Variants in SARDH observed in about 807,000 individuals in gnomAD.
SARDH encodes sarcosine dehydrogenase, mitochondrial.
A neutral mutation model predicts 109.1 loss-of-function variants in SARDH; 95 were observed. The ratio of observed to expected loss-of-function variants is 0.87; its 90% CI spans 0.74 to 1.03. The LOEUF (loss-of-function observed/expected upper bound fraction) is 1.03, where lower values mean the gene tolerates loss of function less well. Among genes scored for constraint, SARDH ranks in the 50% least tolerant of loss-of-function variants. SARDH has a pLI of 0.00. For synonymous variants in SARDH, 572 were observed against 534.8 expected, an observed-to-expected ratio of 1.07 and a Z score of -0.96; for missense variants, 1,267 against 1,287.8, an observed-to-expected ratio of 0.98 and a Z score of 0.25.
In SARDH at chr9:133,692,695, C is replaced by T. The variant is rs537573318; in HGVS notation, c.1921+1563G>A. Among the ~76,000 whole-genome samples the T allele has an allele frequency of 1.3e-5, 2 of 152,158 alleles. No homozygotes were observed. Among genetic ancestry groups the T allele is most frequent in the Non-Finnish European group, 2.9e-5 (2 of 68,028 alleles). ...CACTGTGGGGTCCCTGAAGCCCCACCGGCCTCCTTCACCTCCTCCCGACCC... is the reference window on the plus strand; with the variant it reads ...CACTGTGGGGTCCCTGAAGCCCCACTGGCCTCCTTCACCTCCTCCCGACCC... On this transcript the variant is annotated intron_variant, in intron 15 of 20. Coordinates refer to ENST00000439388, the MANE Select transcript of SARDH (RefSeq NM_001134707.2). The surrounding 1 kb of genome is among the most constrained non-coding windows in gnomAD (Gnocchi z 5.0).
chr9:133,691,391 C>T (rs760266326), intron 15 of SARDH, among the ~76,000 whole-genome samples: 9 of 152,286 alleles, frequency 5.9e-5, no homozygotes, highest in Middle Eastern at 6.8e-3. Context: ...GAAAACAAGA[C>T]GCCAGTCCTG....
chr9:133,671,504 C>T lies in SARDH; in HGVS notation c.2326+31G>A, dbSNP rs763788715. ...TCACTGCCCCCCACTGCGCCCGCCC[C>T]CGCCCCGTGCTGTCCAGACCCTGCA... On this transcript the variant is annotated intron_variant, in intron 18 of 20. Transcript: ENST00000439388. The T allele has an allele frequency of 2.6e-6, 4 of 1,555,306 alleles. No individual in the cohort carries two copies. The African/African-American group carries it at 5.4e-5, about 21-fold the overall frequency.
chr9:133,718,440 T>C lies in SARDH; in HGVS notation c.1020+498A>G, dbSNP rs118160162. On this transcript the variant is annotated intron_variant, in intron 7 of 20. Transcript: ENST00000439388. This position sits in a 1 kb window ranked among gnomAD's most constrained non-coding sequence, Gnocchi z 4.2. ...CCAGAGTCAGGGACTTTTATCTTAG[T>C]TTCCCTCTTTCTCCAGAAATTAAAG... 0.028 allele frequency: 13,772 copies of C among 497,838 alleles called. 272 individuals carry two copies. The highest frequency in any genetic ancestry group is 0.04 in the Non-Finnish European group (11,286 of 281,204). 30.8% of individuals were successfully genotyped at this position (497,838 alleles called of 1,614,324 possible). A position where few individuals can be genotyped will look rare whatever the true frequency, so the allele number is the denominator to read the frequency against.
Position 133,678,133 on chromosome 9 carries a change from G to T in SARDH, c.2164-6436C>A, listed in dbSNP as rs1317000844. ...GTCCCATTCCATTCAGGCCACTTAG[G>T]TGGCAAGTGTCGGTCAGTGGGCAGG... On this transcript the variant is annotated intron_variant, in intron 17 of 20. Transcript: ENST00000439388. 2.0e-5 allele frequency among the ~76,000 whole-genome samples: 3 copies of T among 152,216 alleles called. No homozygotes were observed. The East Asian group carries it at 5.8e-4, about 29-fold the overall frequency.
chr9:133,672,041 G>A (rs1462577839), intron 17 of SARDH, among the ~76,000 whole-genome samples: 5 of 152,160 alleles, frequency 3.3e-5, no homozygotes, highest in African/African-American at 9.7e-5. Context: ...ACTCTCTCTC[G>A]GTTCTGCAGG....
At chr9:133,687,238 C>G (rs1038735692) in intron 16 of SARDH, among the ~76,000 whole-genome samples, 1 of 152,190 alleles carries the variant, frequency 6.6e-6, no homozygotes, top group Admixed American at 6.5e-5. Context: ...GACACCGTCT[C>G]TCCCAGCCAC....
chr9:133,661,355 AC>A (rs1188986070), downstream of SARDH, among the ~76,000 whole-genome samples: 58 of 151,546 alleles, frequency 3.8e-4, no homozygotes, highest in African/African-American at 1.3e-3. Flanking sequence ...AAAAACAACA[AC>A]AACAAAAAAA....
chr9:133,725,035 T>C (rs1351261212), intron 6 of SARDH, among the ~76,000 whole-genome samples: 1 of 152,182 alleles, frequency 6.6e-6, no homozygotes, highest in Non-Finnish European at 1.5e-5. Flanking sequence ...ATTGTATCCA[T>C]ACAATGGAGT....
chr9:133,719,869 T>C (rs958854658), intron 6 of SARDH, among the ~76,000 whole-genome samples: 1 of 151,634 alleles, frequency 6.6e-6, no homozygotes, highest in African/African-American at 2.4e-5. Context: ...CCCAGTGCTT[T>C]GGGAGGCCAA....
chr9:133,671,769 C>G lies in SARDH; in HGVS notation c.2164-72G>C, dbSNP rs1830360831. 3 of 1,478,058 alleles carry G rather than the reference C, an allele frequency of 2.0e-6. No individual in the cohort carries two copies. The East Asian group carries it at 7.5e-5, about 37-fold the overall frequency. 91.6% of individuals were successfully genotyped at this position (1,478,058 alleles called of 1,614,324 possible). On this transcript the variant is annotated intron_variant, in intron 17 of 20. Transcript: ENST00000439388. ...AGGTCCAGGCCCAGGCCACCACTTCCTGGTGGCAGCTCCTACTGTCACCAG... is the reference window on the plus strand; with the variant it reads ...AGGTCCAGGCCCAGGCCACCACTTCGTGGTGGCAGCTCCTACTGTCACCAG...
chr9:133,683,193 CA>C (rs902124305), intron 17 of SARDH, among the ~76,000 whole-genome samples: 1 of 152,166 alleles, frequency 6.6e-6, no homozygotes, highest in Non-Finnish European at 1.5e-5. Context: ...GGGAGGCTGC[CA>C]GGGCCAGGAA....
At position 133,704,130 on chromosome 9, in the gene SARDH, G is replaced by A. The variant is rs1225961251; in HGVS notation, c.1554+818C>T. On this transcript the variant is annotated intron_variant, in intron 12 of 20. Coordinates refer to ENST00000439388, the MANE Select transcript of SARDH (RefSeq NM_001134707.2). The surrounding 1 kb of genome is among the most constrained non-coding windows in gnomAD (Gnocchi z 4.5). Reference sequence around the variant, plus strand: ...CCTAGGGGCCAGCAGGAGAAGAGACGATGACCTGCAAGGCTCTGACCCCAG... The same window carrying A: ...CCTAGGGGCCAGCAGGAGAAGAGACAATGACCTGCAAGGCTCTGACCCCAG... Among the ~76,000 whole-genome samples the A allele has an allele frequency of 6.6e-6, 1 of 152,078 alleles. No individual in the cohort carries two copies. Among genetic ancestry groups the A allele is most frequent in the Non-Finnish European group, 1.5e-5 (1 of 67,990 alleles).
intron 6 of SARDH, 77 bp downstream of exon 6, chr9:133,729,688 T>C (rs1385420320): frequency 1.8e-5 from 24 of 1,320,480 alleles, no homozygotes; most frequent in Non-Finnish European, 2.5e-5. Flanking sequence ...TCACACCACC[T>C]GGGTTCAAGC....
chr9:133,691,779 C>T (rs1205889839), intron 15 of SARDH, among the ~76,000 whole-genome samples: 2 of 152,186 alleles, frequency 1.3e-5, no homozygotes, highest in African/African-American at 2.4e-5. Flanking sequence ...ATATTCATAA[C>T]TCAAACAGTG....
intron 15 of SARDH, 49 bp downstream of exon 15, chr9:133,694,209 A>G (rs930599323): frequency 3.0e-5 from 41 of 1,384,994 alleles, no homozygotes; most frequent in Non-Finnish European, 3.8e-5. Flanking sequence ...CCACCAGTCC[A>G]CAGAGCAGGC....
chr9:133,689,107 G>A (rs2131377392), intron 16 of SARDH, among the ~76,000 whole-genome samples: 1 of 152,248 alleles, frequency 6.6e-6, no homozygotes, highest in African/African-American at 2.4e-5. Flanking sequence ...AGGCTGACAG[G>A]ATATCACCAG....
chr9:133,671,039 T>C (rs1309647573), intron 18 of SARDH, among the ~76,000 whole-genome samples: 1 of 152,012 alleles, frequency 6.6e-6, no homozygotes, highest in Non-Finnish European at 1.5e-5. Flanking sequence ...CCAAGCTGGG[T>C]GCCCAACACC....
intron 6 of SARDH, among the ~76,000 whole-genome samples, chr9:133,722,091 G>A (rs539417769): frequency 5.9e-5 from 9 of 151,728 alleles, no homozygotes; most frequent in Admixed American, 2.6e-4. Context: ...ACTCCAGCCT[G>A]GGCAACAGAG....
At chr9:133,678,600 G>A (rs1830594441) in intron 17 of SARDH, among the ~76,000 whole-genome samples, 1 of 152,208 alleles carries the variant, frequency 6.6e-6, no homozygotes, top group Admixed American at 6.5e-5. Context: ...CAGGGGTCCT[G>A]TCCCATGCCT....
Sources: gnomAD v4.1 joint callset for allele counts (sites outside exome capture counted in the v4.1 genomes callset) on GRCh38, gnomAD v4.1.1 for gene constraint, Gnocchi (gnomAD v3.1) non-coding constraint, MANE v1.5 for transcripts, NCBI Gene and HGNC (gene_info 2026-07-23, HGNC 2026-07-21) for gene names.